TAFA2: variants seen among roughly 807,000 people sequenced by gnomAD.
TAFA2 encodes the protein chemokine-like protein TAFA-2.
A neutral mutation model predicts 18.8 loss-of-function variants in TAFA2; 7 were observed. That is an observed-to-expected ratio of 0.37 (90% CI 0.21 to 0.70). TAFA2 has a LOEUF of 0.70. Ranked by LOEUF, TAFA2 falls within the 30% of genes least tolerant of loss-of-function variation. TAFA2 has a pLI of 0.53. For missense variants in TAFA2, 122 were observed against 158.1 expected (o/e 0.77, Z 1.23); for synonymous variants, 60 against 54.2 (o/e 1.11, Z -0.47).
At chr12:61,936,892 T>C (rs1877792524) in intron 1 of TAFA2, among the ~76,000 whole-genome samples, 1 of 152,134 alleles carries the variant, frequency 6.6e-6, no homozygotes, top group Non-Finnish European at 1.5e-5. Context: ...TGTTCACCAA[T>C]GATATAACCA....
chr12:62,190,797 G>A (rs2136961107), intron 1 of TAFA2, among the ~76,000 whole-genome samples: 1 of 152,198 alleles, frequency 6.6e-6, no homozygotes, highest in Non-Finnish European at 1.5e-5. Flanking sequence ...ACAAAAAGTA[G>A]GGATTTCAGA....
intron 1 of TAFA2, chr12:61,879,435 C>T: frequency 1.4e-6 from 1 of 698,066 alleles, no homozygotes; most frequent in East Asian, 2.8e-5. Context: ...CAAGCTTCTC[C>T]CGAGTGGGCA....
At chr12:61,977,742 C>A (rs1302597286) in intron 1 of TAFA2, among the ~76,000 whole-genome samples, 1 of 152,044 alleles carries the variant, frequency 6.6e-6, no homozygotes, top group Non-Finnish European at 1.5e-5. Context: ...TGAAACCATT[C>A]TCACACTTTG....
chr12:62,174,267 G>A (rs1316010683), intron 1 of TAFA2, among the ~76,000 whole-genome samples: 2 of 152,246 alleles, frequency 1.3e-5, no homozygotes, highest in South Asian at 4.1e-4. Context: ...AGTGAGCTGG[G>A]ATTGCACCAC....
chr12:61,845,839 T>C (rs1209505462), intron 2 of TAFA2, among the ~76,000 whole-genome samples: 1 of 152,156 alleles, frequency 6.6e-6, no homozygotes, highest in African/African-American at 2.4e-5. Context: ...TCTACAAGAA[T>C]ATAAAGTGTC....
intron 1 of TAFA2, among the ~76,000 whole-genome samples, chr12:62,173,030 G>A (rs377751052): frequency 2.6e-5 from 4 of 152,180 alleles, no homozygotes; most frequent in East Asian, 3.9e-4. Flanking sequence ...AATATATTAA[G>A]GTTCCTAACT....
At chr12:61,925,855 C>G (rs1241525451) in intron 1 of TAFA2, among the ~76,000 whole-genome samples, 1 of 152,032 alleles carries the variant, frequency 6.6e-6, no homozygotes, top group Non-Finnish European at 1.5e-5. Context: ...AAGATCAGAG[C>G]AGAACTGAAG....
intron 2 of TAFA2, among the ~76,000 whole-genome samples, chr12:61,826,235 G>A (rs940185942): frequency 6.6e-6 from 1 of 151,884 alleles, no homozygotes; most frequent in Non-Finnish European, 1.5e-5. Flanking sequence ...TTCAGAGTAC[G>A]TGTAGCACAC....
intron 1 of TAFA2, among the ~76,000 whole-genome samples, chr12:62,000,777 A>G (rs538957256): frequency 6.6e-6 from 1 of 152,386 alleles, no homozygotes; most frequent in African/African-American, 2.4e-5. Context: ...TGTCTTTCAT[A>G]TCATTCTCAC....
chr12:61,838,363 T>C lies in TAFA2; in HGVS notation c.106+28957A>G, dbSNP rs146103465. ...TAAATCCCGCTTTTCCCAAAGCTAA[T>C]TGAATATGAGTTTCTGTAACTCTCA... is the stretch of plus-strand genomic sequence containing the variant. On this transcript the variant is annotated intron_variant, in intron 2 of 4. Coordinates refer to ENST00000416284, the MANE Select transcript of TAFA2 (RefSeq NM_178539.5). Among the ~76,000 whole-genome samples, 165 of 152,112 alleles carry C rather than the reference T, an allele frequency of 1.1e-3. No individual in the cohort carries two copies. The East Asian group carries it at 0.012, about 11-fold the overall frequency.
At position 62,244,207 on chromosome 12, in the gene TAFA2, A is replaced by G. The variant is rs998717814; in HGVS notation, c.-130+14556T>C. On this transcript the variant is annotated intron_variant, in intron 1 of 5. Transcript: ENST00000551619. ...ATCCATAGTCTATCATCTGAACTCA[A>G]TCATTGTTATTTGGGGGTGTTTCTT... Among the ~76,000 whole-genome samples, 11 of 149,980 alleles carry G rather than the reference A, an allele frequency of 7.3e-5. 1 individual carries two copies. Among genetic ancestry groups the G allele is most frequent in the African/African-American group, 2.5e-5 (1 of 40,798 alleles).
In TAFA2 at chr12:61,753,753, G is replaced by A; in HGVS notation, c.260-7C>T. On this transcript the variant is annotated splice_polypyrimidine_tract_variant and splice_region_variant and intron_variant, in intron 3 of 4. Coordinates refer to ENST00000416284, the MANE Select transcript of TAFA2 (RefSeq NM_178539.5). ...TTCTGTTCCACTATTGAAGCTATAAGAGAGAAAAAAAATTGACTCAACATT... is the reference window on the plus strand; with the variant it reads ...TTCTGTTCCACTATTGAAGCTATAAAAGAGAAAAAAAATTGACTCAACATT... 1 of 1,596,158 alleles carries A rather than the reference G, an allele frequency of 6.3e-7. No individual in the cohort carries two copies. Among genetic ancestry groups the A allele is most frequent in the Non-Finnish European group, 8.5e-7 (1 of 1,172,528 alleles).
intron 2 of TAFA2, among the ~76,000 whole-genome samples, chr12:61,823,776 GA>G (rs760044259): frequency 3.9e-5 from 6 of 152,052 alleles, no homozygotes; most frequent in Non-Finnish European, 5.9e-5. Flanking sequence ...AATGTTTAAG[GA>G]AAATGGGAGG....
chr12:61,895,995 C>A (rs774866945), intron 1 of TAFA2, among the ~76,000 whole-genome samples: 58 of 151,620 alleles, frequency 3.8e-4, no homozygotes, highest in Non-Finnish European at 7.1e-4. Flanking sequence ...ACTACAAATC[C>A]ATCAAGCAAT....
At chr12:62,173,267 T>TTAGC (rs906272548) in intron 1 of TAFA2, among the ~76,000 whole-genome samples, 7 of 151,818 alleles carry the variant, frequency 4.6e-5, no homozygotes, top group African/African-American at 1.5e-4. Context: ...ACGAAAAAAA[T>TTAGC]TAGCTGCACG....
In TAFA2 at chr12:61,965,848, C is replaced by G. The variant is rs564488888; in HGVS notation, c.-1-98422G>C. ...TGGCATTGTGCAGCCGCTGAATCTC[C>G]TAATCAGAAAATACACTCAATTGCA... On this transcript the variant is annotated intron_variant, in intron 1 of 4. Transcript: ENST00000416284. Among the ~76,000 whole-genome samples, 369 of 151,954 alleles carry G rather than the reference C, an allele frequency of 2.4e-3. 4 individuals carry two copies. The highest frequency in any genetic ancestry group is 8.5e-3 in the African/African-American group (352 of 41,510).
chr12:61,933,990 C>T (rs923398858), intron 1 of TAFA2, among the ~76,000 whole-genome samples: 3 of 152,140 alleles, frequency 2.0e-5, no homozygotes, highest in Non-Finnish European at 2.9e-5. Context: ...AAATTAGCAT[C>T]GAATTTTATT....
At chr12:61,716,620 T>C (rs1169726593) in intron 4 of TAFA2, among the ~76,000 whole-genome samples, 1 of 152,230 alleles carries the variant, frequency 6.6e-6, no homozygotes, top group Admixed American at 6.5e-5. Context: ...ATTAAAATCA[T>C]GTTATGAGGA....
intron 2 of TAFA2, among the ~76,000 whole-genome samples, chr12:61,848,763 G>A (rs1873513347): frequency 6.7e-6 from 1 of 148,814 alleles, no homozygotes; most frequent in Non-Finnish European, 1.5e-5. Flanking sequence ...AGTATTATCA[G>A]TAAAATTAAA....
Sources: gnomAD v4.1 joint callset for allele counts (sites outside exome capture counted in the v4.1 genomes callset) on GRCh38, gnomAD v4.1.1 for gene constraint, MANE v1.5 for transcripts, NCBI Gene and HGNC (gene_info 2026-07-23, HGNC 2026-07-21) for gene names.